Variants in RNASEH2B observed in about 807,000 individuals in gnomAD.
RNASEH2B encodes the protein Aicardi-Goutieres syndrome 2 protein.
A neutral mutation model predicts 45.0 loss-of-function variants in RNASEH2B; 36 were observed. The observed-to-expected ratio is 0.80, with a 90% CI of 0.61 to 1.06. The LOEUF is 1.06. Ranked by LOEUF, RNASEH2B falls within the 50% of genes least tolerant of loss-of-function variation. The pLI is 0.00. For synonymous variants in RNASEH2B, 119 were observed against 125.7 expected (o/e 0.95, Z 0.35); for missense variants, 361 against 360.3 (o/e 1.00, Z -0.02).
intron 8 of RNASEH2B, chr13:50,949,206 A>T: frequency 2.4e-6 from 1 of 425,066 alleles, no homozygotes; most frequent in Non-Finnish European, 4.2e-6. Context: ...AAGAAAAGGA[A>T]CTCTGTTCCA....
At chr13:50,960,151 C>A, downstream of RNASEH2B, 1 of 1,147,120 alleles carries the variant, frequency 8.7e-7, no homozygotes, top group Non-Finnish European at 1.1e-6. Flanking sequence ...CCAGCTAGGT[C>A]TACCAACTGG....
intron 1 of RNASEH2B, among the ~76,000 whole-genome samples, chr13:50,921,992 A>G (rs1330508546): frequency 6.6e-6 from 1 of 152,212 alleles, no homozygotes; most frequent in Non-Finnish European, 1.5e-5. Context: ...ATAGGCCTGG[A>G]TGGAAGATCC....
At chr13:50,933,427 C>T (rs2049909178) in intron 4 of RNASEH2B, among the ~76,000 whole-genome samples, 2 of 152,216 alleles carry the variant, frequency 1.3e-5, no homozygotes, top group South Asian at 4.1e-4. Flanking sequence ...AACACGTCTT[C>T]CCAAGTGCCA....
intron 1 of RNASEH2B, chr13:50,921,094 T>C (rs528511593): frequency 6.6e-6 from 1 of 152,342 alleles, no homozygotes; most frequent in Admixed American, 6.5e-5. Context: ...ATTGATTATT[T>C]ATTATGTGTT....
intron 9 of RNASEH2B, among the ~76,000 whole-genome samples, chr13:50,962,617 G>C (rs1952122231): frequency 6.6e-6 from 1 of 152,058 alleles, no homozygotes; most frequent in South Asian, 2.1e-4. Flanking sequence ...ATAGCTAAAG[G>C]TTTGTCAATT....
rs774043353 is a variant in RNASEH2B at position 50,956,451 on chromosome 13, A to G, written c.916A>G (p.Lys306Glu). ...TGATACCTTTTTTGGGGTAAAAAATAAAAAAAAAATTGGAAAGGTTTGAAA... is the reference window on the plus strand; with the variant it reads ...TGATACCTTTTTTGGGGTAAAAAATGAAAAAAAAATTGGAAAGGTTTGAAA... Reference protein sequence around the residue: ...SIDTFFGVKNKKKIGKV With the variant: ...SIDTFFGVKNEKKIGKV The change falls in exon 11 of 11, where the codon AAA becomes GAA. Residue 306 changes from lysine to glutamate, a missense_variant. By Grantham distance (56) the Lys-to-Glu change is moderately conservative (BLOSUM62 1). Coordinates refer to ENST00000336617, the MANE Select transcript of RNASEH2B (RefSeq NM_024570.4). 1 of 1,438,888 alleles carries G rather than the reference A, an allele frequency of 6.9e-7. No individual in the cohort carries two copies. Among genetic ancestry groups the G allele is most frequent in the Non-Finnish European group, 9.5e-7 (1 of 1,051,028 alleles). The allele number at this position is 1,438,888 out of a possible 1,614,324, so 89.1% of individuals were successfully genotyped here. A position where few individuals can be genotyped will look rare whatever the true frequency, so the allele number is the denominator to read the frequency against.
At chr13:50,956,900 A>ATTTTT (rs377401674), downstream of RNASEH2B, 15 of 189,416 alleles carry the variant, frequency 7.9e-5, no homozygotes, top group Non-Finnish European at 1.2e-4. Flanking sequence ...TTTTTGGTAA[A>ATTTTT]TTTTTTTTTT....
intron 8 of RNASEH2B, 84 bp from the exon 9 acceptor site, chr13:50,949,375 GACTT>G: frequency 8.8e-7 from 1 of 1,132,840 alleles, no homozygotes; most frequent in Non-Finnish European, 1.3e-6. Flanking sequence ...TGAAAAGTAG[GACTT>G]ACTAAGTCTT....
Position 50,935,200 on chromosome 13 carries a change from C to G in RNASEH2B, c.436+201C>G, listed in dbSNP as rs995104096. The G allele has an allele frequency of 5.0e-5, 29 of 577,830 alleles. No individual in the cohort carries two copies. In the African/African-American group the frequency reaches 5.0e-4, roughly 10 times the overall value. The allele number at this position is 577,830 out of a possible 1,614,324, so 35.8% of individuals were successfully genotyped here. A position where few individuals can be genotyped will look rare whatever the true frequency, so the allele number is the denominator to read the frequency against. ...TCTTTGGAACTACAACCATGGCAGT[C>G]TAGGGCCTACGTCCACAGGGCAGGA... is the stretch of plus-strand genomic sequence containing the variant. On this transcript the variant is annotated intron_variant, in intron 5 of 10. Coordinates refer to ENST00000336617, the MANE Select transcript of RNASEH2B (RefSeq NM_024570.4).
intron 1 of RNASEH2B, among the ~76,000 whole-genome samples, chr13:50,916,056 A>T (rs1879726512): frequency 1.3e-5 from 2 of 151,956 alleles, no homozygotes; most frequent in Non-Finnish European, 2.9e-5. Context: ...TTAGAATAAT[A>T]ATATTTACCC....
At chr13:50,922,350 G>A (rs1383455863) in intron 1 of RNASEH2B, among the ~76,000 whole-genome samples, 1 of 152,192 alleles carries the variant, frequency 6.6e-6, no homozygotes, top group Admixed American at 6.5e-5. Flanking sequence ...CTATGTGCAT[G>A]CTCAGAAGGA....
At chr13:50,937,821 T>C (rs1219600950) in intron 5 of RNASEH2B, 1 of 152,214 alleles carries the variant, frequency 6.6e-6, no homozygotes, top group Non-Finnish European at 1.5e-5. Flanking sequence ...TATGGCAAAC[T>C]TAAACAGCTA....
chr13:50,934,745 T>C, intron 4 of RNASEH2B, 140 bp from the exon 5 acceptor site: 1 of 698,954 alleles, frequency 1.4e-6, no homozygotes. Context: ...CCTGTCCCAT[T>C]GTAGGGATTC....
chr13:50,957,094 T>C (rs1257111110), downstream of RNASEH2B, among the ~76,000 whole-genome samples: 2 of 152,036 alleles, frequency 1.3e-5, no homozygotes, highest in African/African-American at 2.4e-5. Flanking sequence ...GTAACCTTTT[T>C]TTTTTTTCAA....
upstream of RNASEH2B, chr13:50,909,766 C>G (rs1433403673): frequency 3.6e-6 from 1 of 274,058 alleles, no homozygotes; most frequent in African/African-American, 2.2e-5. Flanking sequence ...ACTCGGCGCC[C>G]TGCGGCGCGC....
intron 1 of RNASEH2B, among the ~76,000 whole-genome samples, chr13:50,919,936 G>C (rs925220380): frequency 5.3e-5 from 8 of 152,130 alleles, no homozygotes; most frequent in Non-Finnish European, 1.2e-4. Flanking sequence ...TTGTCTCTTT[G>C]TCACTGGTAT....
chr13:50,926,935 A>T (rs951783767), intron 1 of RNASEH2B, among the ~76,000 whole-genome samples: 2 of 152,196 alleles, frequency 1.3e-5, no homozygotes, highest in Admixed American at 6.5e-5. Flanking sequence ...GTACTTCATA[A>T]TAGTAACAAT....
At chr13:50,925,313 C>G (rs1335352050) in intron 1 of RNASEH2B, among the ~76,000 whole-genome samples, 3 of 151,852 alleles carry the variant, frequency 2.0e-5, no homozygotes, top group African/African-American at 7.3e-5. Flanking sequence ...TATATTAATA[C>G]CCCTCTTTCA....
chr13:50,955,063 T>C (rs746226730), intron 10 of RNASEH2B: 4 of 152,234 alleles, frequency 2.6e-5, no homozygotes, highest in Non-Finnish European at 5.9e-5. Flanking sequence ...TCATGAAATA[T>C]AGGATACAAA....
Sources: gnomAD v4.1 joint callset for allele counts (sites outside exome capture counted in the v4.1 genomes callset) on GRCh38, gnomAD v4.1.1 for gene constraint, MANE v1.5 for transcripts, NCBI Gene and HGNC (gene_info 2026-07-23, HGNC 2026-07-21) for gene names.